The following UBE2E2 variants were observed in gnomAD, a reference collection of about 807,000 sequenced individuals.
The protein encoded by UBE2E2 is ubiquitin-conjugating enzyme E2 E2.
A neutral mutation model predicts 24.7 loss-of-function variants in UBE2E2; 6 were observed. The observed-to-expected ratio is 0.24, with a 90% confidence interval of 0.13 to 0.48. UBE2E2 has a LOEUF of 0.48. Ranked by LOEUF, UBE2E2 falls within the 20% of genes least tolerant of loss-of-function variation. The probability of loss-of-function intolerance (pLI) is 0.99; values close to 1 mark genes in which losing one functional copy is unlikely to be tolerated. For missense variants in UBE2E2, 169 were observed against 245.0 expected (o/e 0.69, Z 2.07); for synonymous variants, 104 against 83.6 (o/e 1.24, Z -1.33).
chr3:23,297,615 A>C (rs116049133), intron 3 of UBE2E2, among the ~76,000 whole-genome samples: 1 of 149,236 alleles, frequency 6.7e-6, no homozygotes, highest in Non-Finnish European at 1.5e-5. Flanking sequence ...AGATCAGACA[A>C]TGAGGGCTCT....
At chr3:23,455,035 A>C (rs1401197950) in intron 3 of UBE2E2, among the ~76,000 whole-genome samples, 1 of 118,886 alleles carries the variant, frequency 8.4e-6, no homozygotes, top group Non-Finnish European at 2.0e-5. Context: ...TGCCTAACCC[A>C]GGTCTCTGCA....
At chr3:23,447,269 A>G (rs1054492518) in intron 3 of UBE2E2, among the ~76,000 whole-genome samples, 1 of 152,172 alleles carries the variant, frequency 6.6e-6, no homozygotes, top group African/African-American at 2.4e-5. Context: ...ATTAATAACT[A>G]TTTGAGGAAT....
intron 3 of UBE2E2, among the ~76,000 whole-genome samples, chr3:23,377,948 T>C (rs1696562962): frequency 6.6e-6 from 1 of 152,168 alleles, no homozygotes; most frequent in Non-Finnish European, 1.5e-5. Context: ...TGACTAGATA[T>C]TATATAACTC....
chr3:23,572,879 A>G (rs992458158), intron 5 of UBE2E2, among the ~76,000 whole-genome samples: 4 of 152,058 alleles, frequency 2.6e-5, no homozygotes, highest in Non-Finnish European at 4.4e-5. Flanking sequence ...AGAACAATCT[A>G]TTTTCCTTTG....
intron 3 of UBE2E2, among the ~76,000 whole-genome samples, chr3:23,287,295 T>A (rs187228885): frequency 1.3e-5 from 2 of 152,168 alleles, no homozygotes; most frequent in Non-Finnish European, 2.9e-5. Flanking sequence ...TAAAATGATC[T>A]TTTAAAATGT....
intron 3 of UBE2E2, among the ~76,000 whole-genome samples, chr3:23,292,956 C>G (rs1045695223): frequency 1.3e-5 from 2 of 152,076 alleles, no homozygotes; most frequent in Non-Finnish European, 2.9e-5. Context: ...GCCTGTAATC[C>G]CAGCTACTTG....
intron 3 of UBE2E2, among the ~76,000 whole-genome samples, chr3:23,490,354 C>T (rs1223650208): frequency 1.3e-5 from 2 of 152,056 alleles, no homozygotes; most frequent in Admixed American, 6.6e-5. Context: ...TTGTTGATTC[C>T]GTGGTTGGTC....
At chr3:23,272,757 T>A (rs1464746733) in intron 3 of UBE2E2, among the ~76,000 whole-genome samples, 1 of 152,118 alleles carries the variant, frequency 6.6e-6, no homozygotes, top group African/African-American at 2.4e-5. Context: ...GACGGCAAGC[T>A]GGAGACTCAG....
At position 23,230,569 on chromosome 3, in the gene UBE2E2, G is replaced by C. The variant is rs1276620288; in HGVS notation, c.227+13257G>C. Among the ~76,000 whole-genome samples the C allele has an allele frequency of 2.0e-5, 3 of 152,222 alleles. No individual in the cohort carries two copies. In the East Asian group the frequency reaches 5.8e-4, roughly 29 times the overall value. Reference sequence around the variant, plus strand: ...GGAGGCCGAGGCGGGTGGATCATTTGAGGTCAGCAGTTTGAGACCAGCCTG... The same window carrying C: ...GGAGGCCGAGGCGGGTGGATCATTTCAGGTCAGCAGTTTGAGACCAGCCTG... On this transcript the variant is annotated intron_variant, in intron 3 of 5. Transcript: ENST00000396703.
chr3:23,429,067 A>G (rs1416857741), intron 3 of UBE2E2, among the ~76,000 whole-genome samples: 1 of 152,178 alleles, frequency 6.6e-6, no homozygotes, highest in Admixed American at 6.5e-5. Context: ...GAAAGATACA[A>G]CCTGCCAAAA....
chr3:23,280,227 TG>T lies in UBE2E2; in HGVS notation c.227+62919del, dbSNP rs1175126238. 6.6e-6 allele frequency among the ~76,000 whole-genome samples: 1 copy of T among 152,208 alleles called. No homozygotes were observed. Among genetic ancestry groups the T allele is most frequent in the Non-Finnish European group, 1.5e-5 (1 of 68,034 alleles). The stretch of plus-strand genomic sequence containing the variant: ...ATAACTAACCTATAATAACCTATTT[TG>T]GGGAAGTGTTTTTATTAACCCTTTT... On this transcript the variant is annotated intron_variant, in intron 3 of 5. Transcript: ENST00000396703. This position sits in a 1 kb window ranked among gnomAD's most constrained non-coding sequence, Gnocchi z 4.3.
At chr3:23,217,472 C>G (rs1488208411) in intron 3 of UBE2E2, among the ~76,000 whole-genome samples, 160 bp downstream of exon 3, 1 of 152,066 alleles carries the variant, frequency 6.6e-6, no homozygotes, top group African/African-American at 2.4e-5. Flanking sequence ...TTTGTCATCT[C>G]TGTGCAGAAA....
intron 3 of UBE2E2, among the ~76,000 whole-genome samples, chr3:23,448,148 G>A (rs1170106204): frequency 6.6e-6 from 1 of 152,134 alleles, no homozygotes; most frequent in Non-Finnish European, 1.5e-5. Context: ...TTTTAGGGTA[G>A]ACAGGAAGTC....
chr3:23,252,030 G>A (rs916741857), intron 3 of UBE2E2, among the ~76,000 whole-genome samples: 1 of 152,172 alleles, frequency 6.6e-6, no homozygotes, highest in Non-Finnish European at 1.5e-5. Context: ...GGGGGCACAT[G>A]TATTATATTT....
chr3:23,480,174 A>G (rs1054737597), intron 3 of UBE2E2, among the ~76,000 whole-genome samples: 1 of 152,050 alleles, frequency 6.6e-6, no homozygotes, highest in East Asian at 1.9e-4. Context: ...TCCCTCCTGC[A>G]CTCGTAGGTG....
intron 3 of UBE2E2, among the ~76,000 whole-genome samples, chr3:23,482,363 T>G (rs1307291718): frequency 1.3e-5 from 2 of 152,160 alleles, no homozygotes; most frequent in African/African-American, 4.8e-5. Flanking sequence ...GTCTTCTGTT[T>G]GGTTGCTTAT....
intron 3 of UBE2E2, among the ~76,000 whole-genome samples, chr3:23,423,815 C>T (rs185166777): frequency 9.4e-4 from 143 of 152,228 alleles, no homozygotes; most frequent in African/African-American, 3.2e-3. Context: ...CCTAAATCTC[C>T]GATCAGTAGT....
At chr3:23,533,488 G>A (rs555620759) in intron 5 of UBE2E2, among the ~76,000 whole-genome samples, 132 of 152,168 alleles carry the variant, frequency 8.7e-4, no homozygotes, top group African/African-American at 2.9e-3. Flanking sequence ...TACACAAATG[G>A]AAATGACGAG....
chr3:23,434,657 A>G (rs1698143915), intron 3 of UBE2E2, among the ~76,000 whole-genome samples: 1 of 152,178 alleles, frequency 6.6e-6, no homozygotes, highest in Non-Finnish European at 1.5e-5. Flanking sequence ...AAATTAGGTA[A>G]TTGCATAAAA....
Sources: gnomAD v4.1 joint callset for allele counts (sites outside exome capture counted in the v4.1 genomes callset) on GRCh38, gnomAD v4.1.1 for gene constraint, Gnocchi (gnomAD v3.1) non-coding constraint, MANE v1.5 for transcripts, NCBI Gene and HGNC (gene_info 2026-07-23, HGNC 2026-07-21) for gene names.